Variants in PPARGC1A observed in about 807,000 individuals in gnomAD.
PPARGC1A encodes the protein PPARG coactivator 1 alpha, also known as peroxisome proliferator-activated receptor gamma coactivator 1-alpha.
In PPARGC1A, 25 loss-of-function variants were observed where a neutral mutation model predicts 88.7. The ratio of observed to expected loss-of-function variants is 0.28; its 90% CI spans 0.21 to 0.39. The LOEUF is 0.39. Among genes scored for constraint, PPARGC1A ranks in the 10% least tolerant of loss-of-function variants. The pLI is 1.00. For missense variants in PPARGC1A, 880 were observed against 968.7 expected, an observed-to-expected ratio of 0.91 and a Z score of 1.22; for synonymous variants, 363 against 355.6, an observed-to-expected ratio of 1.02 and a Z score of -0.24.
the PPARGC1A span, among the ~76,000 whole-genome samples, chr4:24,000,346 T>TAGC: frequency 6.6e-6 from 1 of 152,134 alleles, no homozygotes; most frequent in African/African-American, 2.4e-5. Flanking sequence ...CCCTTGCAAT[T>TAGC]TCATTTGCCT....
the PPARGC1A span, among the ~76,000 whole-genome samples, chr4:24,466,631 C>G: frequency 1.3e-5 from 2 of 152,090 alleles, no homozygotes; most frequent in African/African-American, 4.8e-5. Context: ...TGTCACTGCT[C>G]TTTAATTACC....
At chr4:24,206,410 AAC>A in the PPARGC1A span, among the ~76,000 whole-genome samples, 3 of 152,374 alleles carry the variant, frequency 2.0e-5, no homozygotes, top group East Asian at 1.9e-4. Context: ...AATTTGCAAT[AAC>A]ACAGAAACAT....
intron 7 of PPARGC1A, 115 bp downstream of exon 7, chr4:23,824,165 T>C (rs1290688312): frequency 3.6e-6 from 3 of 842,708 alleles, no homozygotes; most frequent in Non-Finnish European, 5.6e-6. Context: ...TTATCCAATT[T>C]TGTATTCTTT....
At chr4:24,001,524 A>G in the PPARGC1A span, among the ~76,000 whole-genome samples, 3 of 152,210 alleles carry the variant, frequency 2.0e-5, no homozygotes, top group African/African-American at 4.8e-5. Flanking sequence ...TTAGCAACTG[A>G]CATCCCAGCA....
At chr4:23,945,493 A>T in the PPARGC1A span, among the ~76,000 whole-genome samples, 1 of 152,170 alleles carries the variant, frequency 6.6e-6, no homozygotes, top group African/African-American at 2.4e-5. Context: ...GAGATGCCTT[A>T]AAAATGCCTC....
chr4:24,463,230 TTAA>T, the PPARGC1A span, among the ~76,000 whole-genome samples: 4 of 152,212 alleles, frequency 2.6e-5, no homozygotes, highest in Admixed American at 6.5e-5. Flanking sequence ...AAGAAATGGA[TTAA>T]TCTTTTAGAA....
chr4:24,178,461 T>G, the PPARGC1A span, among the ~76,000 whole-genome samples: 2 of 152,220 alleles, frequency 1.3e-5, no homozygotes, highest in African/African-American at 4.8e-5. Context: ...GTACCAAATC[T>G]TTTCTTGGAA....
the PPARGC1A span, among the ~76,000 whole-genome samples, chr4:23,976,337 A>G: frequency 6.6e-6 from 1 of 152,244 alleles, no homozygotes; most frequent in Non-Finnish European, 1.5e-5. Flanking sequence ...ATGCACTGAG[A>G]AAGATAAGTG....
At chr4:23,881,337 G>A (rs1715890046) in intron 2 of PPARGC1A, 1 of 152,126 alleles carries the variant, frequency 6.6e-6, no homozygotes, top group South Asian at 2.1e-4. Context: ...AACACAGGTT[G>A]CGTAAGCAGA....
intron 2 of PPARGC1A, among the ~76,000 whole-genome samples, chr4:23,844,509 A>T (rs1272981666): frequency 8.5e-6 from 1 of 117,854 alleles, no homozygotes; most frequent in Non-Finnish European, 1.6e-5. Context: ...ATAATATAAT[A>T]ATATAATAAT....
At chr4:24,424,258 C>CTTTTTTTTTTTTTTTTTTTTTTTTT in the PPARGC1A span, among the ~76,000 whole-genome samples, 5 of 44,346 alleles carry the variant, frequency 1.1e-4, 2 homozygotes, top group African/African-American at 4.9e-4. Context: ...TATACACACA[C>CTTTTTTTTTTTTTTTTTTTTTTTTT]TTTTTTTTTT....
At chr4:24,449,678 T>C in the PPARGC1A span, among the ~76,000 whole-genome samples, 1 of 152,212 alleles carries the variant, frequency 6.6e-6, no homozygotes, top group Non-Finnish European at 1.5e-5. Flanking sequence ...CATTTATAAG[T>C]CTGAAGTACT....
At chr4:24,040,318 T>C in the PPARGC1A span, among the ~76,000 whole-genome samples, 1 of 152,218 alleles carries the variant, frequency 6.6e-6, no homozygotes, top group Admixed American at 6.5e-5. Context: ...CAAATGATTT[T>C]TCTCATCACT....
chr4:24,240,296 T>G, the PPARGC1A span, among the ~76,000 whole-genome samples: 1 of 152,154 alleles, frequency 6.6e-6, no homozygotes, highest in Non-Finnish European at 1.5e-5. Flanking sequence ...AGAGGAGGAC[T>G]TGAATGCTTA....
the PPARGC1A span, among the ~76,000 whole-genome samples, chr4:24,458,093 A>G: frequency 6.6e-5 from 10 of 152,346 alleles, no homozygotes; most frequent in African/African-American, 1.9e-4. Context: ...CTAGCAGCCA[A>G]AAGAATTTGC....
At chr4:24,302,498 G>A in the PPARGC1A span, among the ~76,000 whole-genome samples, 1 of 152,228 alleles carries the variant, frequency 6.6e-6, no homozygotes, top group African/African-American at 2.4e-5. Flanking sequence ...TTGACAGGGT[G>A]TTTGATGAAG....
At chr4:24,281,163 C>T in the PPARGC1A span, among the ~76,000 whole-genome samples, 17 of 152,206 alleles carry the variant, frequency 1.1e-4, no homozygotes, top group African/African-American at 3.4e-4. Context: ...TCTGGCTTCT[C>T]GTGACTTCAG....
chr4:24,024,889 C>T, the PPARGC1A span, among the ~76,000 whole-genome samples: 1 of 152,160 alleles, frequency 6.6e-6, no homozygotes, highest in African/African-American at 2.4e-5. Flanking sequence ...GCTACTTTCA[C>T]CTAATCTGTG....
chr4:24,283,249 C>A, the PPARGC1A span, among the ~76,000 whole-genome samples: 1 of 152,094 alleles, frequency 6.6e-6, no homozygotes, highest in Non-Finnish European at 1.5e-5. Flanking sequence ...TCCACCCTAT[C>A]CATGTCGACC....
Sources: gnomAD v4.1 joint callset for allele counts (sites outside exome capture counted in the v4.1 genomes callset) on GRCh38, gnomAD v4.1.1 for gene constraint, MANE v1.5 for transcripts, NCBI Gene and HGNC (gene_info 2026-07-23, HGNC 2026-07-21) for gene names.